Variants in HS3ST2 observed in about 807,000 individuals in gnomAD.
HS3ST2 encodes the protein heparan sulfate-glucosamine 3-sulfotransferase 2, also known as heparan sulfate glucosamine 3-O-sulfotransferase 2.
HS3ST2 carries 17 observed loss-of-function variants against 26.3 expected under a neutral mutation model. The ratio of observed to expected loss-of-function variants is 0.65; its 90% CI spans 0.44 to 0.97. HS3ST2 has a LOEUF of 0.97. Among genes scored for constraint, HS3ST2 ranks in the 50% least tolerant of loss-of-function variants. HS3ST2 has a pLI of 0.00. For missense variants in HS3ST2, 402 were observed against 501.2 expected (o/e 0.80, Z 1.89); for synonymous variants, 237 against 219.2 (o/e 1.08, Z -0.72).
At chr16:22,856,982 ATACAATG>A (rs1486678848) in intron 1 of HS3ST2, among the ~76,000 whole-genome samples, 6 of 152,184 alleles carry the variant, frequency 3.9e-5, no homozygotes, top group African/African-American at 7.2e-5. Context: ...GCAATCCTTA[ATACAATG>A]TACATATAAT....
At chr16:22,855,530 C>T (rs1170636541) in intron 1 of HS3ST2, among the ~76,000 whole-genome samples, 5 of 152,202 alleles carry the variant, frequency 3.3e-5, no homozygotes, top group Non-Finnish European at 7.3e-5. Flanking sequence ...TGCCACGCCC[C>T]TGCTGCTCTC....
rs1900827282 is a variant in HS3ST2, at chr16:22,814,684, C to CT, written c.74_75insT (p.Leu26AlafsTer49). 1 of 1,600,766 alleles carries CT rather than the reference C, an allele frequency of 6.2e-7. No individual in the cohort carries two copies. Among genetic ancestry groups the CT allele is most frequent in the African/African-American group, 1.3e-5 (1 of 74,624 alleles). On this transcript the variant is annotated frameshift_variant, in exon 1 of 2. Transcript: ENST00000261374. LOFTEE classifies it high-confidence loss of function. Reference sequence around the variant, plus strand: ...GCGCGCAGGCTGCTCTTCGCCTTCACGCTCTCGCTCTCCTGCACTTACCTG... The same window carrying CT: ...GCGCGCAGGCTGCTCTTCGCCTTCACTGCTCTCGCTCTCCTGCACTTACCTG...
intron 1 of HS3ST2, among the ~76,000 whole-genome samples, chr16:22,913,123 A>AAAGGAAGGAAGGAAGGAAGGAAGGAAGG (rs1159183388): frequency 5.3e-5 from 5 of 94,168 alleles, no homozygotes; most frequent in African/African-American, 1.6e-4. Flanking sequence ...GAGAAGAAAG[A>AAAGGAAGGAAGGAAGGAAGGAAGGAAGG]AAGGAAGGAA....
At chr16:22,816,662 C>T (rs755338290) in intron 1 of HS3ST2, among the ~76,000 whole-genome samples, 4 of 152,186 alleles carry the variant, frequency 2.6e-5, no homozygotes, top group Non-Finnish European at 5.9e-5. Flanking sequence ...ACTGTGCTTT[C>T]CAAGCTGTGA....
chr16:22,861,299 A>G (rs758683475), intron 1 of HS3ST2, among the ~76,000 whole-genome samples: 1 of 151,860 alleles, frequency 6.6e-6, no homozygotes, highest in Non-Finnish European at 1.5e-5. Flanking sequence ...TTGTGGGCCC[A>G]TCTCTCTACT....
At chr16:22,842,641 T>C (rs1901375172) in intron 1 of HS3ST2, among the ~76,000 whole-genome samples, 1 of 152,150 alleles carries the variant, frequency 6.6e-6, no homozygotes, top group African/African-American at 2.4e-5. Context: ...TCCCGGAAAA[T>C]TCTCAGCCAT....
chr16:22,847,435 T>C (rs138887786), intron 1 of HS3ST2, among the ~76,000 whole-genome samples: 1 of 152,296 alleles, frequency 6.6e-6, no homozygotes, highest in Non-Finnish European at 1.5e-5. Context: ...GACATTTAGA[T>C]AAATATCATT....
At chr16:22,855,696 GTCTCTCTCTCTC>G (rs3078722) in intron 1 of HS3ST2, among the ~76,000 whole-genome samples, 13 of 143,048 alleles carry the variant, frequency 9.1e-5, no homozygotes, top group Non-Finnish European at 1.4e-4. Flanking sequence ...CTGTCTCTCT[GTCTCTCTCTCTC>G]TCTCTCTCTC....
At chr16:22,818,455 T>C (rs1337508001) in intron 1 of HS3ST2, among the ~76,000 whole-genome samples, 1 of 152,186 alleles carries the variant, frequency 6.6e-6, no homozygotes, top group Non-Finnish European at 1.5e-5. Context: ...GTAATGTTAC[T>C]ACTGTTATTG....
chr16:22,877,056 A>C (rs1901929646), intron 1 of HS3ST2, among the ~76,000 whole-genome samples: 1 of 152,228 alleles, frequency 6.6e-6, no homozygotes, highest in African/African-American at 2.4e-5. Flanking sequence ...AGGTGCACCA[A>C]AATCTCAGAA....
intron 1 of HS3ST2, among the ~76,000 whole-genome samples, chr16:22,861,880 T>C (rs1596617774): frequency 6.6e-6 from 1 of 152,176 alleles, no homozygotes; most frequent in Non-Finnish European, 1.5e-5. Flanking sequence ...CCTAAAGAGC[T>C]CTGCTCCCCA....
At chr16:22,909,705 G>A (rs569140069) in intron 1 of HS3ST2, among the ~76,000 whole-genome samples, 83 of 152,262 alleles carry the variant, frequency 5.5e-4, no homozygotes, top group African/African-American at 2.0e-3. Flanking sequence ...ATCTTCTTTA[G>A]TATTTGCCAT....
At chr16:22,908,676 A>G (rs1030773738) in intron 1 of HS3ST2, among the ~76,000 whole-genome samples, 1 of 152,140 alleles carries the variant, frequency 6.6e-6, no homozygotes, top group Non-Finnish European at 1.5e-5. Context: ...CACTCTCATG[A>G]TAAACCACTA....
intron 1 of HS3ST2, among the ~76,000 whole-genome samples, chr16:22,914,294 T>C (rs796818135): frequency 5.9e-5 from 9 of 152,340 alleles, no homozygotes; most frequent in African/African-American, 2.2e-4. Flanking sequence ...CATTTAACAC[T>C]GTATGTTGGA....
intron 1 of HS3ST2, among the ~76,000 whole-genome samples, chr16:22,878,544 C>G (rs1901948523): frequency 6.6e-6 from 1 of 152,046 alleles, no homozygotes; most frequent in African/African-American, 2.4e-5. Flanking sequence ...ACTGACCACC[C>G]AAAAGCATCC....
intron 1 of HS3ST2, among the ~76,000 whole-genome samples, chr16:22,908,570 C>T (rs372118965): frequency 1.3e-5 from 2 of 152,088 alleles, no homozygotes; most frequent in African/African-American, 2.4e-5. Context: ...GGGGGCTCTC[C>T]GTAGAGTCCC....
intron 1 of HS3ST2, among the ~76,000 whole-genome samples, chr16:22,832,390 T>C (rs1718123483): frequency 6.6e-6 from 1 of 152,010 alleles, no homozygotes; most frequent in Admixed American, 6.5e-5. Flanking sequence ...CTCAACAGAA[T>C]GTGGTTCATA....
At chr16:22,862,863 G>A (rs1217133293) in intron 1 of HS3ST2, among the ~76,000 whole-genome samples, 1 of 152,226 alleles carries the variant, frequency 6.6e-6, no homozygotes, top group Non-Finnish European at 1.5e-5. Context: ...TTTGTTCACT[G>A]CTTATGTCTT....
At chr16:22,851,365 C>T (rs149464357) in intron 1 of HS3ST2, among the ~76,000 whole-genome samples, 62 of 152,276 alleles carry the variant, frequency 4.1e-4, no homozygotes, top group African/African-American at 1.4e-3. Context: ...GACTTTGTCT[C>T]ATTTTATACG....
Sources: gnomAD v4.1 joint callset for allele counts (sites outside exome capture counted in the v4.1 genomes callset) on GRCh38, gnomAD v4.1.1 for gene constraint, MANE v1.5 for transcripts, NCBI Gene and HGNC (gene_info 2026-07-23, HGNC 2026-07-21) for gene names.